The following TMEM181 variants were observed in gnomAD, a reference collection of about 807,000 sequenced individuals.
The protein encoded by TMEM181 is transmembrane protein 181.
TMEM181 carries 39 observed loss-of-function variants against 71.9 expected under a neutral mutation model. That is an observed-to-expected ratio of 0.54 (90% CI 0.42 to 0.71). The LOEUF is 0.71. TMEM181 is among the 30% of genes least tolerant of loss of function. The probability of loss-of-function intolerance (pLI) is 0.00; values close to 1 mark genes in which losing one functional copy is unlikely to be tolerated. For missense variants in TMEM181, 595 were observed against 583.0 expected, an observed-to-expected ratio of 1.02 and a Z score of -0.21; for synonymous variants, 245 against 228.8, an observed-to-expected ratio of 1.07 and a Z score of -0.64.
upstream of TMEM181, among the ~76,000 whole-genome samples, chr6:158,559,929 C>A (rs992830014): frequency 6.6e-6 from 1 of 152,036 alleles, no homozygotes; most frequent in South Asian, 2.1e-4. Context: ...CAGCTCAGGG[C>A]TAGCCTGGGT....
chr6:158,608,554 C>T, intron 9 of TMEM181, 91 bp downstream of exon 9: 1 of 1,605,504 alleles, frequency 6.2e-7, no homozygotes, highest in Non-Finnish European at 8.5e-7. Context: ...GTGAATTTAT[C>T]CATGGAAGCC....
At chr6:158,565,237 A>G (rs1007235351) in intron 1 of TMEM181, among the ~76,000 whole-genome samples, 7 of 152,148 alleles carry the variant, frequency 4.6e-5, no homozygotes, top group Non-Finnish European at 8.8e-5. Flanking sequence ...GTGCTTGCGG[A>G]CTGCTCGCCT....
Position 158,631,353 on chromosome 6 carries a change from C to T in TMEM181, c.1313C>T (p.Ser438Phe), listed in dbSNP as rs1036989714. Residue 438 changes from serine (S) to phenylalanine (F), a missense_variant, in exon 16 of 17, where the codon TCC becomes TTC. By Grantham distance (155) the Ser-to-Phe change is radical (BLOSUM62 -2). Coordinates refer to ENST00000684151, the MANE Select transcript of TMEM181 (RefSeq NM_001376852.1). The part of the protein sequence containing the change: ...ESQLKDNPAF[S>F]MLNDSDDDVI... The stretch of plus-strand genomic sequence containing the variant: ...CAGCTGAAAGACAATCCTGCCTTCT[C>T]CATGCTGAATGACTCGGATGATGAT... 2 of 1,614,112 alleles carry T rather than the reference C, an allele frequency of 1.2e-6. No homozygotes were observed. Among genetic ancestry groups the T allele is most frequent in the African/African-American group, 2.7e-5 (2 of 74,948 alleles).
In TMEM181 at chr6:158,609,052, T is replaced by G. The variant is rs564052820; in HGVS notation, c.896+302T>G. 2.0e-5 allele frequency among the ~76,000 whole-genome samples: 3 copies of G among 151,266 alleles called. No individual in the cohort carries two copies. In the South Asian group the frequency reaches 6.3e-4, roughly 32 times the overall value. On this transcript the variant is annotated intron_variant, in intron 10 of 16. Transcript: ENST00000684151. ...GGCACAGGTTGCAATGAGCCGAGATTGCACCACTGCACTCCAGCCTGGGCA... is the reference window on the plus strand; with the variant it reads ...GGCACAGGTTGCAATGAGCCGAGATGGCACCACTGCACTCCAGCCTGGGCA...
At chr6:158,598,638 TTTTTA>T (rs1213929125) in intron 6 of TMEM181, among the ~76,000 whole-genome samples, 2 of 150,568 alleles carry the variant, frequency 1.3e-5, no homozygotes, top group African/African-American at 2.4e-5. Flanking sequence ...TTTTTTTTTA[TTTTTA>T]TTTTTTTATT....
intron 10 of TMEM181, among the ~76,000 whole-genome samples, chr6:158,617,215 AGT>A (rs1785666195): frequency 6.6e-6 from 1 of 151,826 alleles, no homozygotes; most frequent in African/African-American, 2.4e-5. Flanking sequence ...GTCTTGGGAG[AGT>A]GTATGTGTCC....
intron 1 of TMEM181, among the ~76,000 whole-genome samples, chr6:158,572,241 G>C (rs1302881105): frequency 6.6e-6 from 1 of 152,222 alleles, no homozygotes; most frequent in Non-Finnish European, 1.5e-5. Flanking sequence ...CTGCGGGGAT[G>C]TGGGCACGCA....
intron 13 of TMEM181, 122 bp downstream of exon 13, chr6:158,625,876 G>A: frequency 3.5e-6 from 3 of 851,962 alleles, no homozygotes; most frequent in Non-Finnish European, 3.7e-6. Flanking sequence ...GACTCATGAG[G>A]TTAGAGGGCC....
At chr6:158,547,387 G>T (rs554190988) in intron 1 of TMEM181, among the ~76,000 whole-genome samples, 3 of 152,320 alleles carry the variant, frequency 2.0e-5, no homozygotes, top group African/African-American at 7.2e-5. Flanking sequence ...AGCTCCCCAG[G>T]TGATTCTAGC....
chr6:158,560,194 C>A lies in TMEM181; in HGVS notation c.-31C>A, dbSNP rs1782075234. 1.3e-5 allele frequency: 13 copies of A among 984,882 alleles called. No individual in the cohort carries two copies. The highest frequency in any genetic ancestry group is 1.4e-5 in the Non-Finnish European group (12 of 829,722). 61.0% of individuals were successfully genotyped at this position (984,882 alleles called of 1,614,324 possible). On this transcript the variant is annotated 5_prime_UTR_variant, in exon 1 of 17. Coordinates refer to ENST00000684151, the MANE Select transcript of TMEM181 (RefSeq NM_001376852.1). The stretch of plus-strand genomic sequence containing the variant: ...CGGCGCCTGGCGGGCTCGGGACGCG[C>A]GGGCCGGGGCCGAGGGCTCTGGGCG...
intron 1 of TMEM181, chr6:158,536,945 C>T: frequency 8.8e-7 from 1 of 1,131,264 alleles, no homozygotes; most frequent in East Asian, 3.7e-5. Flanking sequence ...CGCGCCCCGG[C>T]CTTGGCCTGG....
chr6:158,604,790 T>A (rs1298362192), intron 6 of TMEM181, among the ~76,000 whole-genome samples: 3 of 152,236 alleles, frequency 2.0e-5, no homozygotes, highest in Admixed American at 1.3e-4. Context: ...ATGTGAGATA[T>A]AAGATCCGAA....
At chr6:158,552,259 C>CA (rs1187952802) in intron 1 of TMEM181, among the ~76,000 whole-genome samples, 1 of 152,134 alleles carries the variant, frequency 6.6e-6, no homozygotes, top group Admixed American at 6.5e-5. Context: ...AAACCTCCTG[C>CA]AGTGTGATTG....
Position 158,625,123 on chromosome 6 carries a change from T to C in TMEM181, c.974T>C (p.Met325Thr), listed in dbSNP as rs1270299958. The C allele has an allele frequency of 6.2e-7, 1 of 1,614,072 alleles. No individual in the cohort carries two copies. Residue 325 changes from methionine to threonine, a missense_variant, in exon 12 of 17, where the codon ATG becomes ACG. Coordinates refer to ENST00000684151, the MANE Select transcript of TMEM181 (RefSeq NM_001376852.1). Reference sequence around the variant, plus strand: ...TCCTAGGGAATGAAGGTCTTCTTCATGGTGGTGGCAGCGGTGTACATTCTG... The same window carrying C: ...TCCTAGGGAATGAAGGTCTTCTTCACGGTGGTGGCAGCGGTGTACATTCTG... The part of the protein sequence containing the change: ...GNFQGMKVFF[M>T]VVAAVYILYL...
At chr6:158,566,725 G>A (rs920321053) in intron 1 of TMEM181, among the ~76,000 whole-genome samples, 1 of 151,610 alleles carries the variant, frequency 6.6e-6, no homozygotes, top group Non-Finnish European at 1.5e-5. Context: ...GGTGAGGGAA[G>A]TGATACGGTG....
intron 6 of TMEM181, among the ~76,000 whole-genome samples, chr6:158,597,304 G>T (rs890743923): frequency 6.6e-6 from 1 of 152,008 alleles, no homozygotes; most frequent in Non-Finnish European, 1.5e-5. Context: ...ACCACACACC[G>T]GGTAATTTAT....
At chr6:158,571,983 A>G (rs1782878494) in intron 1 of TMEM181, among the ~76,000 whole-genome samples, 1 of 152,100 alleles carries the variant, frequency 6.6e-6, no homozygotes, top group Admixed American at 6.5e-5. Context: ...CTCTTGTCTC[A>G]TGTTTGTGGG....
At chr6:158,621,012 T>TAA (rs1046183818) in intron 10 of TMEM181, among the ~76,000 whole-genome samples, 20 of 152,322 alleles carry the variant, frequency 1.3e-4, no homozygotes, top group African/African-American at 4.6e-4. Context: ...TGTTTCTGTG[T>TAA]GTCTCTTTGT....
upstream of TMEM181, among the ~76,000 whole-genome samples, chr6:158,557,716 C>T (rs1256343732): frequency 6.6e-6 from 1 of 152,136 alleles, no homozygotes; most frequent in Non-Finnish European, 1.5e-5. Flanking sequence ...TGGATTTCGC[C>T]ATATTGGCCA....
Sources: gnomAD v4.1 joint callset for allele counts (sites outside exome capture counted in the v4.1 genomes callset) on GRCh38, gnomAD v4.1.1 for gene constraint, MANE v1.5 for transcripts, NCBI Gene and HGNC (gene_info 2026-07-23, HGNC 2026-07-21) for gene names.